ACSS1: variants seen among roughly 807,000 people sequenced by gnomAD.
The protein encoded by ACSS1 is acyl-CoA synthetase short chain family member 1.
A neutral mutation model predicts 75.3 loss-of-function variants in ACSS1; 42 were observed. The observed-to-expected ratio is 0.56, with a 90% CI of 0.44 to 0.72. The LOEUF (loss-of-function observed/expected upper bound fraction) is 0.72. Among genes scored for constraint, ACSS1 ranks in the 30% least tolerant of loss-of-function variants. The pLI is 0.00. For missense variants in ACSS1, 782 were observed against 935.7 expected (o/e 0.84, Z 2.14); for synonymous variants, 380 against 376.8 (o/e 1.01, Z -0.10).
intron 8 of ACSS1, among the ~76,000 whole-genome samples, chr20:25,014,557 G>A (rs927062088): frequency 6.6e-6 from 1 of 152,132 alleles, no homozygotes; most frequent in Non-Finnish European, 1.5e-5. Context: ...CCATGGGAAC[G>A]CCTCATTTTC....
At chr20:25,021,343 C>T in intron 6 of ACSS1, 46 bp downstream of exon 6, 1 of 1,600,658 alleles carries the variant, frequency 6.2e-7, no homozygotes, top group Non-Finnish European at 8.5e-7. Context: ...CAGGCTCTCT[C>T]CCCTGACACC....
intron 2 of ACSS1, chr20:25,046,954 G>T (rs1324464360): frequency 5.1e-6 from 4 of 778,628 alleles, no homozygotes; most frequent in African/African-American, 3.4e-5. Context: ...CCTGGCCGAG[G>T]CTGGTGGAGC....
intron 2 of ACSS1, among the ~76,000 whole-genome samples, chr20:25,041,527 C>G (rs2089004516): frequency 6.6e-6 from 1 of 152,232 alleles, no homozygotes; most frequent in East Asian, 1.9e-4. Context: ...CAGCTCATCC[C>G]TGTTCAAAGG....
intron 3 of ACSS1, among the ~76,000 whole-genome samples, chr20:25,030,228 C>T (rs2088798453): frequency 1.3e-5 from 2 of 152,202 alleles, no homozygotes; most frequent in African/African-American, 4.8e-5. Flanking sequence ...ATAGGGCCAC[C>T]ATCCAGACAC....
intron 1 of ACSS1, among the ~76,000 whole-genome samples, chr20:25,051,039 A>G (rs1273231364): frequency 3.9e-5 from 6 of 152,184 alleles, no homozygotes; most frequent in East Asian, 1.9e-4. Context: ...CAAGGCCCCA[A>G]TGACCTGCCT....
chr20:25,024,558 G>A (rs1258797123), intron 3 of ACSS1, among the ~76,000 whole-genome samples: 2 of 152,228 alleles, frequency 1.3e-5, no homozygotes, highest in African/African-American at 4.8e-5. Flanking sequence ...GGGCAGAAGT[G>A]CTGGGGAACC....
chr20:25,043,715 G>T (rs535452588), intron 2 of ACSS1, among the ~76,000 whole-genome samples: 7 of 152,232 alleles, frequency 4.6e-5, no homozygotes, highest in African/African-American at 1.7e-4. Context: ...CGGGGGAACA[G>T]CTCCCAGAGT....
chr20:25,038,534 G>A, intron 2 of ACSS1, among the ~76,000 whole-genome samples: 1 of 152,178 alleles, frequency 6.6e-6, no homozygotes, highest in Non-Finnish European at 1.5e-5. Context: ...GGCACCTCAG[G>A]CACCTCCTTC....
chr20:25,049,057 C>T lies in ACSS1; in HGVS notation c.335-876G>A, dbSNP rs191407432. 4.8e-3 allele frequency among the ~76,000 whole-genome samples: 737 copies of T among 152,242 alleles called. 3 individuals are homozygous for T. Among genetic ancestry groups the T allele is most frequent in the Non-Finnish European group, 6.8e-3 (466 of 68,034 alleles). ...CACCCACCTGGTCTCTCAGGGTCAC[C>T]CCTGTAGCCTGTTTGTAAATTACAC... On this transcript the variant is annotated intron_variant, in intron 1 of 13. Transcript: ENST00000323482.
chr20:25,050,632 G>A (rs1174022033), intron 1 of ACSS1, among the ~76,000 whole-genome samples: 1 of 152,030 alleles, frequency 6.6e-6, no homozygotes. Context: ...CCCCAGCCAA[G>A]ATGAAGCAGG....
intron 2 of ACSS1, among the ~76,000 whole-genome samples, chr20:25,036,156 GAT>G (rs1296924149): frequency 6.6e-6 from 1 of 152,170 alleles, no homozygotes; most frequent in East Asian, 1.9e-4. Flanking sequence ...TACTGAGCAG[GAT>G]ATTTAGGTTT....
chr20:25,031,980 G>A (rs2088831285), intron 2 of ACSS1, among the ~76,000 whole-genome samples: 1 of 152,216 alleles, frequency 6.6e-6, no homozygotes, highest in African/African-American at 2.4e-5. Flanking sequence ...AAGCCACAGT[G>A]AGTTGGGAGT....
intron 1 of ACSS1, among the ~76,000 whole-genome samples, chr20:25,049,931 G>C (rs73906066): frequency 0.036 from 5,506 of 152,212 alleles, 133 homozygotes; most frequent in African/African-American, 0.07. Flanking sequence ...GAGCTTTGCC[G>C]GTAGTGGGGG....
chr20:25,040,112 G>T (rs1294183425), intron 2 of ACSS1, among the ~76,000 whole-genome samples: 1 of 152,148 alleles, frequency 6.6e-6, no homozygotes, highest in Non-Finnish European at 1.5e-5. Context: ...AAGGGGTGTA[G>T]GTTTTAACAT....
intron 7 of ACSS1, among the ~76,000 whole-genome samples, chr20:25,017,911 C>T (rs2088548119): frequency 6.6e-6 from 1 of 152,244 alleles, no homozygotes; most frequent in South Asian, 2.1e-4. Context: ...GCCCTGCTGA[C>T]AACACCTAGA....
Position 25,046,679 on chromosome 20 carries a change from G to A in ACSS1, c.431+1406C>T, listed in dbSNP as rs2089096003. 12 of 659,724 alleles carry A rather than the reference G, an allele frequency of 1.8e-5. No individual in the cohort carries two copies. The South Asian group carries it at 2.1e-4, about 11-fold the overall frequency. The allele number at this position is 659,724 out of a possible 1,614,324, so 40.9% of individuals were successfully genotyped here. On this transcript the variant is annotated intron_variant, in intron 2 of 13. Coordinates refer to ENST00000323482, the MANE Select transcript of ACSS1 (RefSeq NM_032501.4). The stretch of plus-strand genomic sequence containing the variant: ...AGCCTCAAGTTCCTTCTCAGAAGGG[G>A]CTTTGTTCGCAGGCAGATGGAGCTG...
At chr20:25,008,063 G>C in intron 13 of ACSS1, 122 bp from the exon 14 acceptor site, 1 of 1,277,926 alleles carries the variant, frequency 7.8e-7, no homozygotes, top group Non-Finnish European at 1.1e-6. Flanking sequence ...ATCCACAGTG[G>C]ATGTCTAAGC....
At chr20:25,024,784 C>A (rs1011079874) in intron 3 of ACSS1, among the ~76,000 whole-genome samples, 2 of 152,208 alleles carry the variant, frequency 1.3e-5, no homozygotes, top group African/African-American at 4.8e-5. Context: ...CCTTTCTCCT[C>A]CTAAGAGCCC....
chr20:25,044,969 C>G (rs1298543686), intron 2 of ACSS1, among the ~76,000 whole-genome samples: 1 of 152,216 alleles, frequency 6.6e-6, no homozygotes, highest in East Asian at 1.9e-4. Flanking sequence ...GGGGCAAAAC[C>G]GCGGCAGGGG....
Sources: gnomAD v4.1 joint callset for allele counts (sites outside exome capture counted in the v4.1 genomes callset) on GRCh38, gnomAD v4.1.1 for gene constraint, MANE v1.5 for transcripts, NCBI Gene and HGNC (gene_info 2026-07-23, HGNC 2026-07-21) for gene names.